GTF3C2: variants seen among roughly 807,000 people sequenced by gnomAD.
GTF3C2 encodes general transcription factor 3C polypeptide 2.
In GTF3C2, 17 loss-of-function variants were observed where a neutral mutation model predicts 117.4. That is an observed-to-expected ratio of 0.14 (90% CI 0.10 to 0.22). GTF3C2 has a LOEUF of 0.22. Among genes scored for constraint, GTF3C2 ranks in the 10% least tolerant of loss-of-function variants. The pLI is 1.00. For synonymous variants in GTF3C2, 437 were observed against 427.0 expected, an observed-to-expected ratio of 1.02 and a Z score of -0.29; for missense variants, 888 against 1,143.6, an observed-to-expected ratio of 0.78 and a Z score of 3.22.
At chr2:27,343,839 A>G (rs1178584889) in intron 1 of GTF3C2, among the ~76,000 whole-genome samples, 1 of 152,072 alleles carries the variant, frequency 6.6e-6, no homozygotes, top group East Asian at 1.9e-4. Flanking sequence ...TGAGCTTAGG[A>G]GTTTGAGGCT....
At position 27,329,595 on chromosome 2, in the gene GTF3C2, G is replaced by A. The variant is rs1411122076; in HGVS notation, c.1733-72C>T. 4 of 1,473,846 alleles carry A rather than the reference G, an allele frequency of 2.7e-6. No individual in the cohort carries two copies. The highest frequency in any genetic ancestry group is 3.8e-6 in the Non-Finnish European group (4 of 1,065,770). 91.3% of individuals were successfully genotyped at this position (1,473,846 alleles called of 1,614,324 possible). On this transcript the variant is annotated intron_variant, in intron 12 of 18. Coordinates refer to ENST00000264720, the Ensembl canonical transcript of GTF3C2. The surrounding 1 kb of genome is among the most constrained non-coding windows in gnomAD (Gnocchi z 4.5). ...TCCTTGCTCTAATTTCTTTCTCTGG[G>A]CTCCTAGGACCTTTGTCTTCTACCC...
chr2:27,343,214 T>A, intron 2 of GTF3C2, 67 bp from the exon 3 acceptor site: 1 of 1,513,030 alleles, frequency 6.6e-7, no homozygotes, highest in Non-Finnish European at 9.0e-7. Context: ...AAGATTACAC[T>A]GTACCCAGGT....
At chr2:27,332,582 T>G (rs1290157363) in intron 12 of GTF3C2, among the ~76,000 whole-genome samples, 1 of 151,526 alleles carries the variant, frequency 6.6e-6, no homozygotes. Context: ...GCCCGGGGAA[T>G]TTTTTGTATT....
chr2:27,346,016 C>CTTTT (rs70953853), intron 1 of GTF3C2, among the ~76,000 whole-genome samples: 2 of 97,888 alleles, frequency 2.0e-5, no homozygotes, highest in Non-Finnish European at 3.9e-5. Flanking sequence ...TGCCCCGCCA[C>CTTTT]TTTTTTTTTT....
chr2:27,341,009 G>T (rs926117282), intron 4 of GTF3C2, among the ~76,000 whole-genome samples: 4 of 152,020 alleles, frequency 2.6e-5, no homozygotes, highest in African/African-American at 9.7e-5. Context: ...TGTACAGTTT[G>T]TGTACAACTG....
exon 2 of GTF3C2, chr2:27,343,311 G>C (rs374600870): frequency 1.2e-6 from 2 of 1,613,674 alleles, no homozygotes; most frequent in South Asian, 2.2e-5. Flanking sequence ...TACATACCTG[G>C]CTGTTCCAGT....
intron 9 of GTF3C2, 85 bp from the exon 10 acceptor site, chr2:27,335,791 A>T (rs1376217120): frequency 1.8e-6 from 2 of 1,099,192 alleles, no homozygotes; most frequent in Non-Finnish European, 2.7e-6. Flanking sequence ...GAAATACTGT[A>T]TGAAGTTGCT....
At position 27,329,160 on chromosome 2, in the gene GTF3C2, T is replaced by A. The variant is rs753985250; in HGVS notation, c.2000A>T (p.Tyr667Phe). Residue 667 changes from tyrosine (Y) to phenylalanine (F), a missense_variant, in exon 14 of 19, where the codon TAC (tyrosine) becomes TTC (phenylalanine). Coordinates refer to ENST00000264720, the Ensembl canonical transcript of GTF3C2. This position sits in a 1 kb window ranked among gnomAD's most constrained non-coding sequence, Gnocchi z 4.5. ...GTCCTGAGCCACAGTGACACCATTGTAGGGAAGCAGCCAGGCCAGTTCTGT... is the reference window on the plus strand; with the variant it reads ...GTCCTGAGCCACAGTGACACCATTGAAGGGAAGCAGCCAGGCCAGTTCTGT... 1.1e-5 allele frequency: 17 copies of A among 1,614,016 alleles called. No individual in the cohort carries two copies. Among genetic ancestry groups the A allele is most frequent in the Non-Finnish European group, 1.3e-5 (15 of 1,180,022 alleles).
At chr2:27,350,111 TA>T (rs776733913) in intron 1 of GTF3C2, among the ~76,000 whole-genome samples, 64 of 152,058 alleles carry the variant, frequency 4.2e-4, no homozygotes, top group Non-Finnish European at 8.7e-4. Context: ...AATGAAGATA[TA>T]AATAAAATAA....
chr2:27,344,061 G>A (rs1256380108), intron 1 of GTF3C2, among the ~76,000 whole-genome samples: 3 of 147,204 alleles, frequency 2.0e-5, no homozygotes, highest in East Asian at 3.9e-4. Context: ...TTTCACTCTC[G>A]TTGCCCAGGC....
chr2:27,330,418 C>A (rs1401648478), intron 12 of GTF3C2, among the ~76,000 whole-genome samples: 1 of 150,532 alleles, frequency 6.6e-6, no homozygotes, highest in East Asian at 2.0e-4. Context: ...GCCGAGATCA[C>A]GCCAGTGCAC....
At chr2:27,338,401 AT>A (rs1486765025) in intron 4 of GTF3C2, 1 of 253,204 alleles carries the variant, frequency 3.9e-6, no homozygotes, top group East Asian at 1.0e-4. Flanking sequence ...CGATGATGGT[AT>A]TCCCCAGAGT....
intron 12 of GTF3C2, among the ~76,000 whole-genome samples, chr2:27,330,140 C>CAAAAAAAA (rs35471821): frequency 1.2e-5 from 1 of 84,258 alleles, no homozygotes; most frequent in Non-Finnish European, 2.3e-5. Flanking sequence ...GACTCCGTCT[C>CAAAAAAAA]AAAAAAAAAA....
intron 10 of GTF3C2, among the ~76,000 whole-genome samples, chr2:27,334,346 C>T (rs1680382151): frequency 1.3e-5 from 2 of 152,124 alleles, no homozygotes; most frequent in Non-Finnish European, 2.9e-5. Context: ...CTACCTCTAT[C>T]TGTTCCCATC....
At chr2:27,350,916 T>C (rs1332717211) in intron 1 of GTF3C2, among the ~76,000 whole-genome samples, 1 of 147,324 alleles carries the variant, frequency 6.8e-6, no homozygotes, top group African/African-American at 2.5e-5. Context: ...ACCACTGCAC[T>C]CTAGTCTGGG....
Position 27,328,967 on chromosome 2 carries a change from C to T in GTF3C2, c.2040-36G>A, listed in dbSNP as rs199586948. On this transcript the variant is annotated intron_variant, in intron 14 of 18. Transcript: ENST00000264720. ...AGAAATAAATTTAAACCTTCCTTTT[C>T]TTTAGATTCATTTCTTCTTCTTAAC... The T allele has an allele frequency of 6.4e-4, 963 of 1,506,646 alleles. 1 individual carries two copies. The highest frequency in any genetic ancestry group is 5.3e-4 in the Non-Finnish European group (572 of 1,085,006). The allele number at this position is 1,506,646 out of a possible 1,614,324, so 93.3% of individuals were successfully genotyped here. A position where few individuals can be genotyped will look rare whatever the true frequency, so the allele number is the denominator to read the frequency against.
At chr2:27,351,778 C>T (rs1681147705) in intron 1 of GTF3C2, among the ~76,000 whole-genome samples, 1 of 152,180 alleles carries the variant, frequency 6.6e-6, no homozygotes, top group Non-Finnish European at 1.5e-5. Context: ...GTGGAAGTTG[C>T]TCATTCACTC....
At chr2:27,350,330 G>C in intron 1 of GTF3C2, 1 of 822,408 alleles carries the variant, frequency 1.2e-6, no homozygotes, top group Non-Finnish European at 1.5e-6. Context: ...AGCAATTCTG[G>C]ATGGGGCCAG....
rs201256798 is a variant in GTF3C2, at chr2:27,329,646, T to C, written c.1733-123A>G. The C allele has an allele frequency of 6.9e-6, 6 of 874,186 alleles. No individual in the cohort carries two copies. The East Asian group carries it at 1.5e-4, about 21-fold the overall frequency. The allele number at this position is 874,186 out of a possible 1,614,324, so 54.2% of individuals were successfully genotyped here. ...TCAGATCCAAACCACTATGAAAGGATGTGGGGATCCTGATTAGCTATCCAA... is the reference window on the plus strand; with the variant it reads ...TCAGATCCAAACCACTATGAAAGGACGTGGGGATCCTGATTAGCTATCCAA... On this transcript the variant is annotated intron_variant, in intron 12 of 18. Transcript: ENST00000264720. This position sits in a 1 kb window ranked among gnomAD's most constrained non-coding sequence, Gnocchi z 4.5.
Sources: allele counts gnomAD v4.1 joint callset (sites outside exome capture counted in the v4.1 genomes callset), GRCh38; gene constraint gnomAD v4.1.1; non-coding constraint Gnocchi (gnomAD v3.1); transcripts MANE v1.5; gene names NCBI Gene and HGNC (gene_info 2026-07-23, HGNC 2026-07-21).